CCNI: variants seen among roughly 807,000 people sequenced by gnomAD.
CCNI encodes cyclin-I.
CCNI carries 14 observed loss-of-function variants against 34.1 expected under a neutral mutation model. The ratio of observed to expected loss-of-function variants is 0.41; its 90% CI spans 0.27 to 0.64. The LOEUF is 0.64. Among genes scored for constraint, CCNI ranks in the 30% least tolerant of loss-of-function variants. The pLI is 0.31. For synonymous variants in CCNI, 154 were observed against 158.4 expected, an observed-to-expected ratio of 0.97 and a Z score of 0.21; for missense variants, 385 against 440.5, an observed-to-expected ratio of 0.87 and a Z score of 1.13.
At chr4:77,068,010 T>C (rs1302963199) in intron 1 of CCNI, among the ~76,000 whole-genome samples, 1 of 151,774 alleles carries the variant, frequency 6.6e-6, no homozygotes, top group Non-Finnish European at 1.5e-5. Context: ...GACCCCCGTC[T>C]CTACTAAAAA....
At chr4:77,058,884 T>C (rs927524027) in intron 2 of CCNI, among the ~76,000 whole-genome samples, 4 of 152,146 alleles carry the variant, frequency 2.6e-5, no homozygotes, top group African/African-American at 7.2e-5. Context: ...CAAATATCCA[T>C]AGTTGAATTA....
chr4:77,075,655 GGGCGCT>G lies in CCNI; in HGVS notation c.-233_-228del, dbSNP rs949846714. 3.9e-5 allele frequency: 28 copies of G among 712,480 alleles called. No homozygotes were observed. Among genetic ancestry groups the G allele is most frequent in the African/African-American group, 2.3e-4 (11 of 47,638 alleles). The allele number at this position is 712,480 out of a possible 1,614,324, so 44.1% of individuals were successfully genotyped here. ...GAAGCGGATCGGGGGGCGCGGGCGCGGGCGCTGGCGCTCGAGCGGGACGCACGGCTG... is the reference window on the plus strand; with the variant it reads ...GAAGCGGATCGGGGGGCGCGGGCGCGGGCGCTCGAGCGGGACGCACGGCTG... On this transcript the variant is annotated 5_prime_UTR_variant, in exon 1 of 7. Coordinates refer to ENST00000237654, the MANE Select transcript of CCNI (RefSeq NM_006835.3).
rs372298005 is a variant in CCNI, at chr4:77,048,011, C to CT, written c.*207dup. 13,284 of 315,088 alleles carry CT rather than the reference C, an allele frequency of 0.042. 39 individuals carry two copies. The highest frequency in any genetic ancestry group is 0.06 in the East Asian group (1,248 of 20,904). 19.5% of individuals were successfully genotyped at this position (315,088 alleles called of 1,614,324 possible). On this transcript the variant is annotated 3_prime_UTR_variant, in exon 7 of 7. Transcript: ENST00000237654. The stretch of plus-strand genomic sequence containing the variant: ...AAAAAAGTTTGGATCTTTTGGATTT[C>CT]TTTTTTTTTTTTTTGGTCTTTATGT...
At chr4:77,057,308 G>T (rs955649185) in intron 3 of CCNI, among the ~76,000 whole-genome samples, 1 of 152,108 alleles carries the variant, frequency 6.6e-6, no homozygotes, top group African/African-American at 2.4e-5. Context: ...TGAGTTTCTT[G>T]CTGTGTTTAT....
intron 6 of CCNI, among the ~76,000 whole-genome samples, chr4:77,053,130 A>G (rs1355368829): frequency 6.6e-6 from 1 of 151,910 alleles, no homozygotes; most frequent in East Asian, 1.9e-4. Context: ...ATCTGCCCTT[A>G]AACACAAGTA....
chr4:77,048,039 T>C lies in CCNI; in HGVS notation c.*180A>G. On this transcript the variant is annotated 3_prime_UTR_variant, in exon 7 of 7. Transcript: ENST00000237654. ...TTTTTTTTTTTTGGTCTTTATGTGC[T>C]TAAATAACGCTGAATTATAATTAGC... 1 of 470,386 alleles carries C rather than the reference T, an allele frequency of 2.1e-6. No homozygotes were observed. Among genetic ancestry groups the C allele is most frequent in the Non-Finnish European group, 3.7e-6 (1 of 267,688 alleles). 29.1% of individuals were successfully genotyped at this position (470,386 alleles called of 1,614,324 possible). A position where few individuals can be genotyped will look rare whatever the true frequency, so the allele number is the denominator to read the frequency against.
chr4:77,058,659 C>G (rs202076283), intron 2 of CCNI, 24 bp from the exon 3 acceptor site: 2 of 1,604,542 alleles, frequency 1.2e-6, no homozygotes, highest in East Asian at 2.2e-5. Context: ...ATTTTGAAAA[C>G]AGAAGACAAA....
At chr4:77,070,171 C>T (rs1729352671) in intron 1 of CCNI, among the ~76,000 whole-genome samples, 1 of 151,986 alleles carries the variant, frequency 6.6e-6, no homozygotes, top group African/African-American at 2.4e-5. Context: ...GCACACACCA[C>T]CACACATGGC....
intron 1 of CCNI, among the ~76,000 whole-genome samples, chr4:77,072,554 G>A (rs1048785734): frequency 8.2e-5 from 12 of 146,454 alleles, no homozygotes; most frequent in African/African-American, 1.8e-4. Flanking sequence ...GGAGGATTAC[G>A]TAAGCCCAGG....
In CCNI at chr4:77,048,007, ATTTCTT is replaced by A; in HGVS notation, c.*206_*211del. On this transcript the variant is annotated 3_prime_UTR_variant, in exon 7 of 7. Coordinates refer to ENST00000237654, the MANE Select transcript of CCNI (RefSeq NM_006835.3). ...TTTAAAAAAAGTTTGGATCTTTTGGATTTCTTTTTTTTTTTTTTGGTCTTTATGTGC... is the reference window on the plus strand; with the variant it reads ...TTTAAAAAAAGTTTGGATCTTTTGGATTTTTTTTTTTTGGTCTTTATGTGC... The A allele has an allele frequency of 8.2e-5, 34 of 416,996 alleles. No individual in the cohort carries two copies. The highest frequency in any genetic ancestry group is 3.1e-4 in the African/African-American group (15 of 48,274). 25.8% of individuals were successfully genotyped at this position (416,996 alleles called of 1,614,324 possible). A position where few individuals can be genotyped will look rare whatever the true frequency, so the allele number is the denominator to read the frequency against.
At chr4:77,074,978 C>A (rs1198188504) in intron 1 of CCNI, 4 of 141,072 alleles carry the variant, frequency 2.8e-5, no homozygotes, top group Admixed American at 7.3e-5. Flanking sequence ...CCGCCCCAAG[C>A]CCTGGGTAAC....
intron 1 of CCNI, among the ~76,000 whole-genome samples, chr4:77,074,131 C>G (rs1729712238): frequency 6.6e-6 from 1 of 152,160 alleles, no homozygotes; most frequent in Non-Finnish European, 1.5e-5. Flanking sequence ...AACACGGACA[C>G]ACTCAGCTTC....
intron 2 of CCNI, 82 bp downstream of exon 2, chr4:77,066,167 G>T: frequency 9.0e-7 from 1 of 1,114,814 alleles, no homozygotes; most frequent in Non-Finnish European, 1.3e-6. Context: ...CTCCTCCAAT[G>T]TAGTGTCAAG....
At chr4:77,049,885 C>G (rs917526525) in intron 6 of CCNI, among the ~76,000 whole-genome samples, 3 of 152,094 alleles carry the variant, frequency 2.0e-5, no homozygotes, top group Admixed American at 6.6e-5. Flanking sequence ...AGTAAAGTGT[C>G]TCTCTTCCTC....
At chr4:77,074,180 CT>C (rs1258132078) in intron 1 of CCNI, among the ~76,000 whole-genome samples, 2 of 152,178 alleles carry the variant, frequency 1.3e-5, no homozygotes, top group Non-Finnish European at 2.9e-5. Context: ...CCATTCTAAC[CT>C]ACTAGGATGT....
At chr4:77,053,509 G>A (rs1230784457) in intron 6 of CCNI, among the ~76,000 whole-genome samples, 1 of 152,128 alleles carries the variant, frequency 6.6e-6, no homozygotes, top group Non-Finnish European at 1.5e-5. Context: ...AAGAGTATCA[G>A]ATTTTCCAGT....
intron 3 of CCNI, 31 bp from the exon 4 acceptor site, chr4:77,056,354 T>C: frequency 3.3e-6 from 5 of 1,515,446 alleles, no homozygotes; most frequent in South Asian, 1.1e-5. Flanking sequence ...AAAGCAACTT[T>C]AGTGATTTTT....
chr4:77,048,762 T>A, intron 6 of CCNI, 100 bp from the exon 7 acceptor site: 1 of 785,316 alleles, frequency 1.3e-6, no homozygotes, highest in Non-Finnish European at 1.9e-6. Flanking sequence ...GTGCTTTCCG[T>A]CCCCGCTGAG....
chr4:77,064,183 C>T (rs1728840242), intron 2 of CCNI, among the ~76,000 whole-genome samples: 1 of 150,936 alleles, frequency 6.6e-6, no homozygotes, highest in Non-Finnish European at 1.5e-5. Flanking sequence ...GCCGAGGTTA[C>T]AGTGAGCCGA....
Sources: allele counts gnomAD v4.1 joint callset (sites outside exome capture counted in the v4.1 genomes callset), GRCh38; gene constraint gnomAD v4.1.1; transcripts MANE v1.5; gene names NCBI Gene and HGNC (gene_info 2026-07-23, HGNC 2026-07-21).